THSD4: variants seen among roughly 807,000 people sequenced by gnomAD.
THSD4 encodes the protein thrombospondin type-1 domain-containing protein 4.
A neutral mutation model predicts 119.0 loss-of-function variants in THSD4; 69 were observed. The observed-to-expected ratio is 0.58, with a 90% CI of 0.48 to 0.71. THSD4 has a LOEUF of 0.71. THSD4 is among the 30% of genes least tolerant of loss of function. The pLI, the probability that THSD4 is intolerant of heterozygous loss-of-function variation, is 0.00. For synonymous variants in THSD4, 524 were observed against 540.4 expected (o/e 0.97, Z 0.42); for missense variants, 1,393 against 1,391.1 (o/e 1.00, Z -0.02).
At chr15:71,749,953 C>T (rs1371859427) in intron 14 of THSD4, among the ~76,000 whole-genome samples, 1 of 152,104 alleles carries the variant, frequency 6.6e-6, no homozygotes, top group East Asian at 1.9e-4. Context: ...TGGTCTCAAA[C>T]TCCTGGGCTC....
intron 3 of THSD4, among the ~76,000 whole-genome samples, chr15:71,162,264 C>A (rs2141391257): frequency 6.6e-6 from 1 of 152,060 alleles, no homozygotes; most frequent in East Asian, 1.9e-4. Context: ...TATTGTCTTG[C>A]TGTTTCCAGC....
intron 7 of THSD4, among the ~76,000 whole-genome samples, chr15:71,568,100 G>C (rs1261805224): frequency 6.6e-6 from 1 of 152,056 alleles, no homozygotes; most frequent in Non-Finnish European, 1.5e-5. Flanking sequence ...ACACCAAAAA[G>C]ATACAAACTT....
intron 6 of THSD4, among the ~76,000 whole-genome samples, chr15:71,398,226 G>A (rs2046477770): frequency 6.6e-6 from 1 of 152,182 alleles, no homozygotes; most frequent in South Asian, 2.1e-4. Flanking sequence ...GCCAGCCTGG[G>A]GAACAGTGTA....
intron 7 of THSD4, among the ~76,000 whole-genome samples, chr15:71,655,190 C>T (rs2051165903): frequency 6.6e-6 from 1 of 152,150 alleles, no homozygotes; most frequent in Non-Finnish European, 1.5e-5. Flanking sequence ...TTCTGAACAG[C>T]AGTACACGAT....
At chr15:71,533,212 G>GT (rs1272485362) in intron 7 of THSD4, among the ~76,000 whole-genome samples, 2 of 152,160 alleles carry the variant, frequency 1.3e-5, no homozygotes, top group African/African-American at 4.8e-5. Context: ...TTCTTATTAC[G>GT]TAAGTATTGT....
intron 7 of THSD4, among the ~76,000 whole-genome samples, chr15:71,617,715 A>AC (rs1272567959): frequency 1.3e-5 from 2 of 152,118 alleles, no homozygotes; most frequent in Non-Finnish European, 2.9e-5. Context: ...GCAGTGAGCC[A>AC]CCCCCGGAGG....
chr15:71,495,133 G>C (rs374024361), intron 7 of THSD4, among the ~76,000 whole-genome samples: 3 of 152,180 alleles, frequency 2.0e-5, no homozygotes, highest in Admixed American at 6.5e-5. Context: ...CAGTTTCCTC[G>C]AAAGGTAGAA....
In THSD4 at chr15:71,608,343, C is replaced by T. The variant is rs993057132; in HGVS notation, c.1153-52187C>T. Among the ~76,000 whole-genome samples, 18 of 150,976 alleles carry T rather than the reference C, an allele frequency of 1.2e-4. No individual in the cohort carries two copies. The East Asian group carries it at 1.6e-3, about 13-fold the overall frequency. On this transcript the variant is annotated intron_variant, in intron 7 of 17. Coordinates refer to ENST00000261862, the MANE Select transcript of THSD4 (RefSeq NM_024817.3). ...AAAGAAGAAAATCCTCCATTGTTAG[C>T]GTCCTGATGTACTTCTTTCTGGATT...
At chr15:71,479,155 C>G (rs1285042711) in intron 7 of THSD4, among the ~76,000 whole-genome samples, 1 of 113,334 alleles carries the variant, frequency 8.8e-6, no homozygotes, top group Non-Finnish European at 1.8e-5. Context: ...TCACTGGTGG[C>G]TTTTCTTTAC....
At chr15:71,595,109 A>G (rs2049883754) in intron 7 of THSD4, among the ~76,000 whole-genome samples, 1 of 152,242 alleles carries the variant, frequency 6.6e-6, no homozygotes, top group Non-Finnish European at 1.5e-5. Flanking sequence ...AACTAAATGT[A>G]TGAGCTTCTC....
intron 8 of THSD4, among the ~76,000 whole-genome samples, chr15:71,664,139 T>C (rs1302782871): frequency 6.6e-6 from 1 of 151,856 alleles, no homozygotes. Flanking sequence ...CTCACCACCA[T>C]ACCCGGCTAA....
intron 6 of THSD4, among the ~76,000 whole-genome samples, chr15:71,257,048 G>A (rs143639839): frequency 3.1e-4 from 47 of 152,326 alleles, no homozygotes; most frequent in Non-Finnish European, 6.5e-4. Flanking sequence ...AGCCGTGAGT[G>A]CAGATGGAGT....
At chr15:71,156,655 G>C (rs897394181) in intron 3 of THSD4, among the ~76,000 whole-genome samples, 2 of 152,110 alleles carry the variant, frequency 1.3e-5, no homozygotes, top group Non-Finnish European at 2.9e-5. Flanking sequence ...GACCCTTCTT[G>C]GGAGCAGTTC....
chr15:71,137,425 G>A (rs972134635), intron 1 of THSD4, among the ~76,000 whole-genome samples: 4 of 152,182 alleles, frequency 2.6e-5, no homozygotes, highest in African/African-American at 9.6e-5. Flanking sequence ...CTAGGCCTCC[G>A]CTGCCCTCTG....
intron 7 of THSD4, among the ~76,000 whole-genome samples, chr15:71,498,866 T>G (rs2048067893): frequency 1.3e-5 from 2 of 151,280 alleles, no homozygotes; most frequent in African/African-American, 4.9e-5. Flanking sequence ...GTACTTTTTT[T>G]TTTTTTTTTT....
intron 5 of THSD4, among the ~76,000 whole-genome samples, chr15:71,243,757 A>G (rs1460111271): frequency 6.6e-6 from 1 of 150,628 alleles, no homozygotes; most frequent in East Asian, 1.9e-4. Context: ...TTAAAAACTC[A>G]TAAGCCAGGC....
At chr15:71,233,962 C>T (rs112484619) in intron 4 of THSD4, among the ~76,000 whole-genome samples, 20 of 152,322 alleles carry the variant, frequency 1.3e-4, no homozygotes, top group African/African-American at 4.8e-4. Context: ...CCTGTGCAGG[C>T]TTGGCAAAGG....
chr15:71,423,562 C>T (rs113722122), intron 7 of THSD4, among the ~76,000 whole-genome samples: 122 of 152,258 alleles, frequency 8.0e-4, no homozygotes, highest in African/African-American at 2.9e-3. Context: ...GAGACAAAGA[C>T]CTGTTTCCTC....
chr15:71,685,253 A>T (rs115362242), intron 8 of THSD4, among the ~76,000 whole-genome samples: 211 of 151,688 alleles, frequency 1.4e-3, no homozygotes, highest in African/African-American at 4.9e-3. Context: ...AATGTGTGAC[A>T]CTTCTGTTTT....
Sources: allele counts gnomAD v4.1 joint callset (sites outside exome capture counted in the v4.1 genomes callset), GRCh38; gene constraint gnomAD v4.1.1; transcripts MANE v1.5; gene names NCBI Gene and HGNC (gene_info 2026-07-23, HGNC 2026-07-21).